CNOT4: variants seen among roughly 807,000 people sequenced by gnomAD.
CNOT4 encodes the protein CCR4-associated factor 4.
A neutral mutation model predicts 73.8 loss-of-function variants in CNOT4; 8 were observed. That is an observed-to-expected ratio of 0.11 (90% CI 0.06 to 0.20). The LOEUF (loss-of-function observed/expected upper bound fraction) is 0.20, where lower values mean the gene tolerates loss of function less well. CNOT4 is among the 10% of genes least tolerant of loss of function. The probability of loss-of-function intolerance (pLI) is 1.00; values close to 1 mark genes in which losing one functional copy is unlikely to be tolerated. For missense variants in CNOT4, 564 were observed against 883.4 expected, an observed-to-expected ratio of 0.64 and a Z score of 4.58; for synonymous variants, 293 against 321.1, an observed-to-expected ratio of 0.91 and a Z score of 0.94.
At chr7:135,367,706 C>T (rs1794991151) in intron 10 of CNOT4, among the ~76,000 whole-genome samples, 2 of 152,174 alleles carry the variant, frequency 1.3e-5, no homozygotes, top group African/African-American at 4.8e-5. Flanking sequence ...ACTCATCATT[C>T]TCAGAGGTAC....
intron 10 of CNOT4, among the ~76,000 whole-genome samples, chr7:135,374,999 G>T (rs528128895): frequency 1.3e-5 from 2 of 152,290 alleles, no homozygotes; most frequent in South Asian, 4.1e-4. Context: ...ATTAGCAATT[G>T]TGTGACCTTA....
chr7:135,498,710 G>A (rs1293372342), intron 1 of CNOT4, among the ~76,000 whole-genome samples: 2 of 151,974 alleles, frequency 1.3e-5, no homozygotes. Flanking sequence ...CACCATGCCC[G>A]GCTAATTTTT....
At position 135,394,261 on chromosome 7, in the gene CNOT4, T is replaced by C. The variant is rs780752894; in HGVS notation, c.1284A>G (p.Gln428=). 6.2e-7 allele frequency: 1 copy of C among 1,614,118 alleles called. No individual in the cohort carries two copies. The highest frequency in any genetic ancestry group is 8.5e-7 in the Non-Finnish European group (1 of 1,180,002). Residue 428 remains glutamine (Q), a synonymous_variant, in exon 10 of 12, where the codon CAA becomes CAG. Transcript: ENST00000541284. The part of the protein sequence containing the change: ...LIEKELSVQD[Q]PSLSPTSLQN... ...GAAGAGATGTGGGCGAAAGGGAAGG[T>C]TGGTCTTGAACGGACAGTTCCTTCT... is the stretch of plus-strand genomic sequence containing the variant.
intron 7 of CNOT4, among the ~76,000 whole-genome samples, chr7:135,404,109 T>TA (rs990460241): frequency 3.3e-5 from 5 of 152,204 alleles, no homozygotes; most frequent in African/African-American, 1.2e-4. Context: ...CCAGTTCACT[T>TA]ACTAGTTTTT....
rs540200570 is a variant in CNOT4 at position 135,384,577 on chromosome 7, G to A, written c.1627+9341C>T. The stretch of plus-strand genomic sequence containing the variant: ...TGGGATTACAGGCGTGAGCCACCGC[G>A]CCTGGCCACCCACCTCTCTTAAGCT... On this transcript the variant is annotated intron_variant, in intron 10 of 11. Coordinates refer to ENST00000541284, the MANE Select transcript of CNOT4 (RefSeq NM_001190850.2). 138 of 723,882 alleles carry A rather than the reference G, an allele frequency of 1.9e-4. 1 individual carries two copies. The highest frequency in any genetic ancestry group is 9.8e-4 in the East Asian group (39 of 39,754). 44.8% of individuals were successfully genotyped at this position (723,882 alleles called of 1,614,324 possible).
chr7:135,438,808 G>A (rs1439601676), intron 1 of CNOT4, among the ~76,000 whole-genome samples: 1 of 152,098 alleles, frequency 6.6e-6, no homozygotes, highest in Non-Finnish European at 1.5e-5. Context: ...TCTAAAGTTT[G>A]TCACAATTTA....
chr7:135,443,424 T>A (rs1053320433), intron 1 of CNOT4, among the ~76,000 whole-genome samples: 13 of 151,362 alleles, frequency 8.6e-5, no homozygotes, highest in African/African-American at 3.2e-4. Context: ...ACACACTATA[T>A]CCTTTATAAA....
intron 1 of CNOT4, among the ~76,000 whole-genome samples, chr7:135,500,997 T>TG (rs1803925634): frequency 6.6e-6 from 1 of 151,690 alleles, no homozygotes; most frequent in African/African-American, 2.4e-5. Context: ...TTTTTTTTTT[T>TG]TTTGGAGACA....
chr7:135,443,398 C>A (rs1258932690), intron 1 of CNOT4, among the ~76,000 whole-genome samples: 1 of 151,290 alleles, frequency 6.6e-6, no homozygotes, highest in Non-Finnish European at 1.5e-5. Flanking sequence ...CCAATCCTCA[C>A]AGTGACTTGG....
intron 1 of CNOT4, among the ~76,000 whole-genome samples, chr7:135,488,039 C>T (rs549537522): frequency 2.0e-5 from 3 of 148,930 alleles, no homozygotes; most frequent in South Asian, 2.1e-4. Context: ...CCAGCCTGGG[C>T]GACAGAGTGA....
intron 6 of CNOT4, among the ~76,000 whole-genome samples, chr7:135,411,799 G>T (rs1326606065): frequency 6.6e-6 from 1 of 151,848 alleles, no homozygotes; most frequent in African/African-American, 2.4e-5. Flanking sequence ...GCATAATTGT[G>T]TCATATATAC....
intron 1 of CNOT4, among the ~76,000 whole-genome samples, chr7:135,447,152 T>C (rs1458292530): frequency 9.3e-6 from 1 of 107,266 alleles, no homozygotes; most frequent in Admixed American, 8.5e-5. Flanking sequence ...CCTTCAAAAA[T>C]AAGAAACAGC....
At chr7:135,462,516 G>A (rs997947143) in intron 1 of CNOT4, among the ~76,000 whole-genome samples, 4 of 152,158 alleles carry the variant, frequency 2.6e-5, no homozygotes, top group African/African-American at 9.7e-5. Flanking sequence ...GTTATCAACC[G>A]CATGTCACAA....
chr7:135,488,612 G>GT (rs2129487576), intron 1 of CNOT4, among the ~76,000 whole-genome samples: 1 of 152,256 alleles, frequency 6.6e-6, no homozygotes, highest in South Asian at 2.1e-4. Flanking sequence ...GTCAGTGCAG[G>GT]TGTTTTGTTT....
At chr7:135,371,282 G>A (rs1225137928) in intron 10 of CNOT4, among the ~76,000 whole-genome samples, 4 of 152,208 alleles carry the variant, frequency 2.6e-5, no homozygotes, top group Non-Finnish European at 5.9e-5. Flanking sequence ...CAACCAGTCT[G>A]TGTCCTGGGC....
At chr7:135,380,535 G>A (rs1795787077) in intron 10 of CNOT4, among the ~76,000 whole-genome samples, 1 of 152,318 alleles carries the variant, frequency 6.6e-6, no homozygotes, top group East Asian at 1.9e-4. Flanking sequence ...CAGGATCTGT[G>A]ACAACAGCTG....
intron 1 of CNOT4, among the ~76,000 whole-genome samples, chr7:135,470,802 G>C (rs1320042365): frequency 1.3e-5 from 2 of 152,154 alleles, no homozygotes; most frequent in Non-Finnish European, 2.9e-5. Context: ...GACAGAATCA[G>C]AACAAAGGTT....
chr7:135,403,082 T>G (rs1392127581), intron 7 of CNOT4, among the ~76,000 whole-genome samples: 1 of 152,196 alleles, frequency 6.6e-6, no homozygotes, highest in African/African-American at 2.4e-5. Context: ...TACTTACATT[T>G]TAAACAAAAT....
intron 2 of CNOT4, among the ~76,000 whole-genome samples, chr7:135,437,869 C>G (rs144706963): frequency 3.7e-4 from 57 of 152,260 alleles, no homozygotes; most frequent in African/African-American, 1.3e-3. Flanking sequence ...AAGCAGTAAG[C>G]ATCCCTGACC....
Sources: allele counts gnomAD v4.1 joint callset (sites outside exome capture counted in the v4.1 genomes callset), GRCh38; gene constraint gnomAD v4.1.1; transcripts MANE v1.5; gene names NCBI Gene and HGNC (gene_info 2026-07-23, HGNC 2026-07-21).